The following ANKRD12 variants were observed in gnomAD, a reference collection of about 807,000 sequenced individuals.
ANKRD12 encodes the protein ankyrin repeat domain-containing protein 12.
Under a neutral mutation model 183.4 loss-of-function variants are expected in ANKRD12, and 85 were observed. That is an observed-to-expected ratio of 0.46 (90% CI 0.39 to 0.56). ANKRD12 has a LOEUF of 0.56. Among genes scored for constraint, ANKRD12 ranks in the 20% least tolerant of loss-of-function variants. The pLI is 0.00. For synonymous variants in ANKRD12, 914 were observed against 800.2 expected (o/e 1.14, Z -2.40); for missense variants, 2,405 against 2,357.1 (o/e 1.02, Z -0.42).
At chr18:9,140,515 ATC>A (rs1190933843) in intron 1 of ANKRD12, among the ~76,000 whole-genome samples, 1 of 152,170 alleles carries the variant, frequency 6.6e-6, no homozygotes, top group Admixed American at 6.5e-5. Flanking sequence ...TGCATTCATA[ATC>A]TGTTTCTGTA....
intron 10 of ANKRD12, among the ~76,000 whole-genome samples, chr18:9,269,870 A>G (rs553435723): frequency 2.6e-5 from 4 of 152,346 alleles, no homozygotes; most frequent in Non-Finnish European, 5.9e-5. Context: ...CAATCTACTT[A>G]TCTAACAAAG....
intron 10 of ANKRD12, among the ~76,000 whole-genome samples, chr18:9,266,296 C>T (rs1420491744): frequency 3.9e-5 from 6 of 152,068 alleles, no homozygotes; most frequent in Admixed American, 6.6e-5. Flanking sequence ...AGAAGAGCAA[C>T]TCCAAGACAC....
At chr18:9,193,353 C>T (rs2034577373) in intron 2 of ANKRD12, among the ~76,000 whole-genome samples, 1 of 151,852 alleles carries the variant, frequency 6.6e-6, no homozygotes, top group African/African-American at 2.4e-5. Flanking sequence ...CCTGTGTGGC[C>T]CAGGCTGGTC....
At chr18:9,205,010 A>T (rs891712117) in intron 4 of ANKRD12, among the ~76,000 whole-genome samples, 9 of 152,174 alleles carry the variant, frequency 5.9e-5, no homozygotes, top group African/African-American at 2.2e-4. Context: ...TTTCCATTGA[A>T]TTCATTAGCC....
At chr18:9,182,205 CT>C (rs1317311143) in intron 1 of ANKRD12, among the ~76,000 whole-genome samples, 176 bp from the exon 2 acceptor site, 2 of 152,288 alleles carry the variant, frequency 1.3e-5, no homozygotes, top group African/African-American at 4.8e-5. Flanking sequence ...AAGTAATTCT[CT>C]TTTCTTTTAG....
chr18:9,259,061 G>A, intron 9 of ANKRD12, 130 bp downstream of exon 9: 1 of 1,085,516 alleles, frequency 9.2e-7, no homozygotes, highest in African/African-American at 1.6e-5. Context: ...AGTGAGTCGA[G>A]ATATAAAGCT....
Position 9,282,746 on chromosome 18 carries a change from G to A in ANKRD12, c.*1620G>A, listed in dbSNP as rs926066627. ...AAGTTGGTAATTCCAGCTAATGGGA[G>A]AGAATGTAAATGTGCAAAGGTACAT... On this transcript the variant is annotated 3_prime_UTR_variant, in exon 13 of 13. Transcript: ENST00000262126. 2 of 152,566 alleles carry A rather than the reference G, an allele frequency of 1.3e-5. No individual in the cohort carries two copies. The highest frequency in any genetic ancestry group is 4.8e-5 in the African/African-American group (2 of 41,440). 9.5% of individuals were successfully genotyped at this position (152,566 alleles called of 1,614,324 possible).
At chr18:9,139,764 A>G (rs1367822381) in intron 1 of ANKRD12, among the ~76,000 whole-genome samples, 1 of 152,212 alleles carries the variant, frequency 6.6e-6, no homozygotes, top group Non-Finnish European at 1.5e-5. Context: ...TGTGCCTTGT[A>G]AAGGGTGCAG....
chr18:9,180,780 C>T (rs1019349507), intron 1 of ANKRD12, among the ~76,000 whole-genome samples: 29 of 152,072 alleles, frequency 1.9e-4, no homozygotes, highest in African/African-American at 6.8e-4. Context: ...TAAGCTTTTC[C>T]TTACATAGAA....
chr18:9,150,914 A>G (rs2143567731), intron 1 of ANKRD12, among the ~76,000 whole-genome samples: 1 of 152,218 alleles, frequency 6.6e-6, no homozygotes, highest in East Asian at 1.9e-4. Flanking sequence ...TGGCCTCCCA[A>G]AGTGCTGGGA....
Position 9,256,829 on chromosome 18 carries a change from A to G in ANKRD12, c.3562A>G (p.Arg1188Gly), listed in dbSNP as rs767211763. The change falls in exon 9 of 13, where the codon AGG becomes GGG. Residue 1188 changes from arginine to glycine, a missense_variant. Transcript: ENST00000262126. ...TTTTGTTTCAGATAATAGCTTAAACAGGTCTCCTAGATCAGAAAATGAAAA... is the reference window on the plus strand; with the variant it reads ...TTTTGTTTCAGATAATAGCTTAAACGGGTCTCCTAGATCAGAAAATGAAAA... ...SSFVSDNSLN[R>G]SPRSENEKPG... 6.2e-7 allele frequency: 1 copy of G among 1,614,014 alleles called. No individual in the cohort carries two copies. The highest frequency in any genetic ancestry group is 8.5e-7 in the Non-Finnish European group (1 of 1,179,942).
intron 6 of ANKRD12, among the ~76,000 whole-genome samples, chr18:9,216,049 A>G (rs1004337022): frequency 1.4e-5 from 2 of 144,872 alleles, no homozygotes; most frequent in African/African-American, 5.1e-5. Flanking sequence ...CAATCCTTGT[A>G]TGATCCAGGC....
chr18:9,282,035 T>C lies in ANKRD12; in HGVS notation c.*909T>C, dbSNP rs2040121029. The C allele has an allele frequency of 6.6e-6, 1 of 152,602 alleles. No homozygotes were observed. Among genetic ancestry groups the C allele is most frequent in the Non-Finnish European group, 1.5e-5 (1 of 68,014 alleles). The allele number at this position is 152,602 out of a possible 1,614,324, so 9.5% of individuals were successfully genotyped here. ...ACTTAGTCATACAAAGAAACTTAGCTCTTTTTTCATCTCACAGTAAAGCCT... is the reference window on the plus strand; with the variant it reads ...ACTTAGTCATACAAAGAAACTTAGCCCTTTTTTCATCTCACAGTAAAGCCT... On this transcript the variant is annotated 3_prime_UTR_variant, in exon 13 of 13. Transcript: ENST00000262126.
chr18:9,283,873 C>T lies in ANKRD12; in HGVS notation c.*2747C>T, dbSNP rs2040172504. The T allele has an allele frequency of 6.6e-6, 1 of 152,452 alleles. No individual in the cohort carries two copies. The allele number at this position is 152,452 out of a possible 1,614,324, so 9.4% of individuals were successfully genotyped here. A position where few individuals can be genotyped will look rare whatever the true frequency, so the allele number is the denominator to read the frequency against. The stretch of plus-strand genomic sequence containing the variant: ...AAGAAACAGCCTTTGAAGAATTAGC[C>T]TTTCAAGTTCAAATCTATTTAATAA... On this transcript the variant is annotated 3_prime_UTR_variant, in exon 13 of 13. Transcript: ENST00000262126.
chr18:9,217,672 C>G (rs890665411), intron 7 of ANKRD12, among the ~76,000 whole-genome samples: 19 of 152,166 alleles, frequency 1.2e-4, no homozygotes, highest in Non-Finnish European at 1.5e-5. Flanking sequence ...TACCAGTGGT[C>G]TACTCTTTTC....
chr18:9,157,612 T>C (rs2030802085), intron 1 of ANKRD12, among the ~76,000 whole-genome samples: 1 of 143,802 alleles, frequency 7.0e-6, no homozygotes, highest in Non-Finnish European at 1.5e-5. Context: ...TATTTTTTTT[T>C]TTTTTTTTGA....
chr18:9,194,945 A>G (rs1043594349), intron 2 of ANKRD12, among the ~76,000 whole-genome samples: 21 of 152,328 alleles, frequency 1.4e-4, no homozygotes, highest in African/African-American at 4.1e-4. Context: ...ATGCGCATCA[A>G]CAGTAGACTG....
intron 2 of ANKRD12, among the ~76,000 whole-genome samples, chr18:9,194,193 A>G (rs914625164): frequency 1.3e-5 from 2 of 152,128 alleles, no homozygotes; most frequent in African/African-American, 4.8e-5. Context: ...AAAACAGATC[A>G]TTAAGCCCTA....
chr18:9,279,407 TCAG>T (rs2040004592), intron 11 of ANKRD12, 139 bp from the exon 12 acceptor site: 2 of 557,976 alleles, frequency 3.6e-6, no homozygotes, highest in Admixed American at 3.7e-5. Context: ...TTTACCAACT[TCAG>T]CAGTATTCAA....
Sources: gnomAD v4.1 joint callset for allele counts (sites outside exome capture counted in the v4.1 genomes callset) on GRCh38, gnomAD v4.1.1 for gene constraint, MANE v1.5 for transcripts, NCBI Gene and HGNC (gene_info 2026-07-23, HGNC 2026-07-21) for gene names.